Variants in TMEM232 observed in about 807,000 individuals in gnomAD.
The protein encoded by TMEM232 is transmembrane protein 232.
A neutral mutation model predicts 78.8 loss-of-function variants in TMEM232; 80 were observed. That is an observed-to-expected ratio of 1.01 (90% CI 0.85 to 1.22). TMEM232 has a LOEUF of 1.22. TMEM232 is among the 50% of genes most tolerant of loss of function. The pLI is 0.00. For synonymous variants in TMEM232, 297 were observed against 254.3 expected (o/e 1.17, Z -1.60); for missense variants, 881 against 742.2 (o/e 1.19, Z -2.17).
At chr5:110,674,238 A>C (rs2150155883) in intron 1 of TMEM232, among the ~76,000 whole-genome samples, 1 of 152,302 alleles carries the variant, frequency 6.6e-6, no homozygotes, top group South Asian at 2.1e-4. Flanking sequence ...TTCTTGGTCA[A>C]GAAAAAACAA....
intron 12 of TMEM232, among the ~76,000 whole-genome samples, chr5:110,467,878 G>T (rs1270451418): frequency 3.9e-5 from 6 of 152,136 alleles, no homozygotes; most frequent in Non-Finnish European, 1.5e-5. Context: ...GTCTAGCAGG[G>T]TTCTTTTGTT....
At chr5:110,689,993 G>T (rs1253036653) in intron 1 of TMEM232, among the ~76,000 whole-genome samples, 1 of 152,094 alleles carries the variant, frequency 6.6e-6, no homozygotes, top group African/African-American at 2.4e-5. Flanking sequence ...ACTCAAGATG[G>T]TTTAAAAACT....
At chr5:110,467,998 A>G (rs1762269947) in intron 12 of TMEM232, among the ~76,000 whole-genome samples, 1 of 151,784 alleles carries the variant, frequency 6.6e-6, no homozygotes, top group South Asian at 2.1e-4. Context: ...GCCAATCCCC[A>G]CTTTTTATAA....
intron 1 of TMEM232, among the ~76,000 whole-genome samples, chr5:110,715,406 T>C (rs910870897): frequency 1.3e-5 from 2 of 152,090 alleles, no homozygotes; most frequent in Non-Finnish European, 2.9e-5. Context: ...CTAAACTGAA[T>C]AGAGGAAATG....
At chr5:110,451,406 G>A (rs1327439141) in intron 12 of TMEM232, among the ~76,000 whole-genome samples, 1 of 152,104 alleles carries the variant, frequency 6.6e-6, no homozygotes, top group Admixed American at 6.6e-5. Flanking sequence ...TATTTCAACA[G>A]CTCTAAAACT....
chr5:110,712,198 T>C (rs368746753), intron 1 of TMEM232, among the ~76,000 whole-genome samples: 6 of 151,342 alleles, frequency 4.0e-5, no homozygotes, highest in African/African-American at 1.5e-4. Flanking sequence ...GGCAAAAATT[T>C]ATTGAGTAAT....
chr5:110,473,757 A>G (rs1762930398), intron 12 of TMEM232, among the ~76,000 whole-genome samples: 1 of 150,846 alleles, frequency 6.6e-6, no homozygotes, highest in South Asian at 2.1e-4. Flanking sequence ...AATGGAAAAA[A>G]TGAATAAAGA....
At chr5:110,466,366 TAA>T (rs1331788111) in intron 12 of TMEM232, among the ~76,000 whole-genome samples, 1 of 152,216 alleles carries the variant, frequency 6.6e-6, no homozygotes, top group Non-Finnish European at 1.5e-5. Context: ...ATTATTTTTT[TAA>T]AAGTTTGCAT....
intron 1 of TMEM232, 22 bp downstream of exon 1, chr5:110,726,605 G>A (rs936805217): frequency 6.6e-6 from 1 of 152,244 alleles, no homozygotes; most frequent in African/African-American, 2.4e-5. Flanking sequence ...ATCATCTGAA[G>A]CAGGACCTCT....
chr5:110,668,357 C>G (rs1790883011), intron 1 of TMEM232, among the ~76,000 whole-genome samples: 1 of 152,094 alleles, frequency 6.6e-6, no homozygotes, highest in Admixed American at 6.6e-5. Flanking sequence ...TCTGAGGTTG[C>G]CCTCTAAGAG....
intron 2 of TMEM232, among the ~76,000 whole-genome samples, chr5:110,654,323 T>C (rs2150072348): frequency 6.6e-6 from 1 of 152,340 alleles, no homozygotes. Flanking sequence ...AATTAATTTT[T>C]ATATAAGGTG....
chr5:110,733,704 G>A (rs531893456), intron 2 of TMEM232, among the ~76,000 whole-genome samples: 1 of 152,128 alleles, frequency 6.6e-6, no homozygotes, highest in Non-Finnish European at 1.5e-5. Flanking sequence ...TGGGAGGAGA[G>A]AGAGGATCAG....
At chr5:110,478,812 C>T (rs2149390723) in intron 12 of TMEM232, among the ~76,000 whole-genome samples, 1 of 150,744 alleles carries the variant, frequency 6.6e-6, no homozygotes, top group East Asian at 2.0e-4. Flanking sequence ...TTTCAGCTAG[C>T]TAATGAAATG....
rs374065696 is a variant in TMEM232, at chr5:110,459,949, T to A, written c.1704-35033A>T. Among the ~76,000 whole-genome samples the A allele has an allele frequency of 1.2e-4, 19 of 152,260 alleles. 1 individual carries two copies. Among genetic ancestry groups the A allele is most frequent in the Middle Eastern group, 6.8e-3 (2 of 294 alleles). ...TCATTCTACAAACTATTCCCTGTAT[T>A]CTGTAAAAAATGTCAAGATTAAGAA... On this transcript the variant is annotated intron_variant, in intron 12 of 13. Coordinates refer to ENST00000455884, the MANE Select transcript of TMEM232 (RefSeq NM_001039763.4).
intron 12 of TMEM232, among the ~76,000 whole-genome samples, chr5:110,433,061 T>C (rs1758037864): frequency 6.6e-6 from 1 of 151,740 alleles, no homozygotes. Flanking sequence ...CTCACTGATA[T>C]AATTAGATAG....
At chr5:110,625,573 T>C (rs1472991385) in intron 6 of TMEM232, 140 bp from the exon 7 acceptor site, 1 of 649,264 alleles carries the variant, frequency 1.5e-6, no homozygotes, top group East Asian at 3.2e-5. Flanking sequence ...AGATTTATAA[T>C]GTTATGTATG....
intron 8 of TMEM232, among the ~76,000 whole-genome samples, chr5:110,608,555 T>C (rs1034834398): frequency 1.3e-5 from 2 of 152,042 alleles, no homozygotes; most frequent in African/African-American, 2.4e-5. Flanking sequence ...CTTTCAAGTC[T>C]GGAAAATTGT....
intron 10 of TMEM232, among the ~76,000 whole-genome samples, chr5:110,571,171 C>T (rs1776896954): frequency 6.6e-6 from 1 of 152,024 alleles, no homozygotes; most frequent in African/African-American, 2.4e-5. Flanking sequence ...TTGCATATCT[C>T]ACCTATGGAT....
At chr5:110,465,596 G>A (rs1330467093) in intron 12 of TMEM232, among the ~76,000 whole-genome samples, 4 of 152,086 alleles carry the variant, frequency 2.6e-5, no homozygotes, top group Admixed American at 2.6e-4. Flanking sequence ...GACATTTAAA[G>A]TTTGCTTTAG....
Sources: gnomAD v4.1 joint callset for allele counts (sites outside exome capture counted in the v4.1 genomes callset) on GRCh38, gnomAD v4.1.1 for gene constraint, MANE v1.5 for transcripts, NCBI Gene and HGNC (gene_info 2026-07-23, HGNC 2026-07-21) for gene names.